ALMS1: variants seen among roughly 807,000 people sequenced by gnomAD.
ALMS1 encodes the protein centrosome-associated protein ALMS1.
A neutral mutation model predicts 352.2 loss-of-function variants in ALMS1; 271 were observed. That is an observed-to-expected ratio of 0.77 (90% CI 0.70 to 0.85). The LOEUF is 0.85. ALMS1 is among the 40% of genes least tolerant of loss of function. The pLI, the probability that ALMS1 is intolerant of heterozygous loss-of-function variation, is 0.00. For missense variants in ALMS1, 5,445 were observed against 4,870.7 expected (o/e 1.12, Z -3.51); for synonymous variants, 1,865 against 1,761.2 (o/e 1.06, Z -1.48).
chr2:73,466,522 T>C (rs1421431140), intron 9 of ALMS1, among the ~76,000 whole-genome samples: 1 of 149,724 alleles, frequency 6.7e-6, no homozygotes, highest in Admixed American at 6.7e-5. Context: ...GGATAGCATT[T>C]GGAGATATAC....
rs1275371259 is a variant in ALMS1 at position 73,424,831 on chromosome 2, A to T, written c.1166A>T (p.Asp389Val). ...GCTACTAAAAGAAGTGACCATTTTGATGCTGCTCGTTCATATGGGCAGTAT... is the reference window on the plus strand; with the variant it reads ...GCTACTAAAAGAAGTGACCATTTTGTTGCTGCTCGTTCATATGGGCAGTAT... ...NIATKRSDHF[D>V]AARSYGQYWT... The change falls in exon 5 of 23, where the codon GAT (aspartate) becomes GTT (valine). Residue 389 changes from aspartate (D) to valine (V), a missense_variant. Asp to Val is a radical substitution (Grantham distance 152). Transcript: ENST00000613296. 6.2e-7 allele frequency: 1 copy of T among 1,608,894 alleles called. No homozygotes were observed. The highest frequency in any genetic ancestry group is 8.5e-7 in the Non-Finnish European group (1 of 1,176,600).
At chr2:73,574,333 T>A (rs1382007231) in intron 16 of ALMS1, among the ~76,000 whole-genome samples, 1 of 152,076 alleles carries the variant, frequency 6.6e-6, no homozygotes, top group Non-Finnish European at 1.5e-5. Flanking sequence ...CTAGACATGC[T>A]CTCCAAAGAA....
At chr2:73,533,987 C>G (rs1055506633) in intron 11 of ALMS1, among the ~76,000 whole-genome samples, 1 of 152,012 alleles carries the variant, frequency 6.6e-6, no homozygotes, top group Non-Finnish European at 1.5e-5. Flanking sequence ...TCACAGAATT[C>G]TTTATAATTG....
At chr2:73,487,774 G>C (rs1272199251) in intron 9 of ALMS1, among the ~76,000 whole-genome samples, 1 of 152,176 alleles carries the variant, frequency 6.6e-6, no homozygotes, top group Non-Finnish European at 1.5e-5. Flanking sequence ...ACCCAAAGTG[G>C]GTAGCTCCTT....
chr2:73,477,937 C>G (rs879567783), intron 9 of ALMS1, among the ~76,000 whole-genome samples: 3 of 152,196 alleles, frequency 2.0e-5, no homozygotes, highest in Non-Finnish European at 4.4e-5. Flanking sequence ...TTCTTTCTTT[C>G]CAATCTAGAT....
intron 9 of ALMS1, chr2:73,469,643 A>G (rs1572952526): frequency 6.6e-6 from 1 of 151,934 alleles, no homozygotes; most frequent in Non-Finnish European, 1.5e-5. Context: ...ACCTAGCTCA[A>G]TATTAGGTAA....
chr2:73,550,659 C>T (rs1317557167), intron 13 of ALMS1, among the ~76,000 whole-genome samples: 1 of 152,028 alleles, frequency 6.6e-6, no homozygotes, highest in Non-Finnish European at 1.5e-5. Context: ...TTCATTTTCA[C>T]AACGGATAAT....
At chr2:73,536,175 G>C (rs953218073) in intron 12 of ALMS1, among the ~76,000 whole-genome samples, 1 of 152,178 alleles carries the variant, frequency 6.6e-6, no homozygotes, top group Admixed American at 6.5e-5. Context: ...TTAATTGATT[G>C]TAGGTAGGAA....
chr2:73,408,484 A>G (rs1281104780), intron 1 of ALMS1, 138 bp from the exon 2 acceptor site: 1 of 991,986 alleles, frequency 1.0e-6, no homozygotes. Context: ...AGCTTGTATA[A>G]TGGTTGTGAA....
chr2:73,545,181 G>GGT (rs1558688911), intron 12 of ALMS1, among the ~76,000 whole-genome samples: 10 of 139,884 alleles, frequency 7.1e-5, no homozygotes, highest in Non-Finnish European at 6.3e-5. Flanking sequence ...ATTTTTTGTG[G>GGT]TTTTTTTTTT....
At chr2:73,573,730 A>C (rs1452145847) in intron 16 of ALMS1, 1 of 550,216 alleles carries the variant, frequency 1.8e-6, no homozygotes, top group Non-Finnish European at 3.2e-6. Context: ...CCTGAACAAT[A>C]TTGCTGGGTT....
intron 7 of ALMS1, among the ~76,000 whole-genome samples, chr2:73,439,201 T>A (rs942847537): frequency 2.0e-5 from 3 of 151,328 alleles, no homozygotes; most frequent in African/African-American, 7.3e-5. Context: ...TCCACAGCCT[T>A]GAATTCCTGG....
chr2:73,530,570 C>A (rs1673887479), intron 11 of ALMS1, among the ~76,000 whole-genome samples: 1 of 152,202 alleles, frequency 6.6e-6, no homozygotes, highest in South Asian at 2.1e-4. Context: ...GTTGGTGGAT[C>A]TACCATTCTG....
intron 2 of ALMS1, among the ~76,000 whole-genome samples, chr2:73,412,625 G>A (rs188263094): frequency 6.6e-6 from 1 of 152,070 alleles, no homozygotes; most frequent in Non-Finnish European, 1.5e-5. Flanking sequence ...TAGAAACCCC[G>A]TCTCTACTAA....
At chr2:73,517,168 GATATTAC>G (rs1673575514) in intron 10 of ALMS1, among the ~76,000 whole-genome samples, 1 of 148,962 alleles carries the variant, frequency 6.7e-6, no homozygotes, top group Admixed American at 6.7e-5. Flanking sequence ...ATATATTCTA[GATATTAC>G]TCTAATACAA....
intron 9 of ALMS1, chr2:73,459,351 T>C (rs1361256558): frequency 1.3e-5 from 2 of 152,214 alleles, no homozygotes; most frequent in Non-Finnish European, 2.9e-5. Flanking sequence ...GTTTTACATA[T>C]TAATTAATAA....
chr2:73,557,146 T>C (rs1674563281), intron 13 of ALMS1, 74 bp from the exon 14 acceptor site: 1 of 1,597,968 alleles, frequency 6.3e-7, no homozygotes, highest in Non-Finnish European at 8.6e-7. Context: ...TGTTTGTAAT[T>C]GTGGGGGAGG....
intron 10 of ALMS1, among the ~76,000 whole-genome samples, chr2:73,507,731 G>A (rs1401017206): frequency 2.0e-5 from 3 of 152,106 alleles, no homozygotes; most frequent in Non-Finnish European, 4.4e-5. Context: ...ACCAGCTCCT[G>A]AATTCGTTGA....
Position 73,602,312 on chromosome 2 carries a change from A to G in ALMS1, c.12242A>G (p.Asn4081Ser). The change falls in exon 20 of 23, where the codon AAC (asparagine) becomes AGC (serine). Residue 4081 changes from asparagine to serine, a missense_variant. Asn to Ser is a conservative substitution (Grantham distance 46, BLOSUM62 1). Coordinates refer to ENST00000613296, the MANE Select transcript of ALMS1 (RefSeq NM_001378454.1). Reference protein sequence around the residue: ...MLQTERDALFNIDRERQGHQN... With the variant: ...MLQTERDALFSIDRERQGHQN... ...CAGACCGAGCGGGATGCACTATTCA[A>G]CATTGACAGGGAACGGCAGGGCCAC... 1.2e-6 allele frequency: 2 copies of G among 1,614,242 alleles called. No individual in the cohort carries two copies. The highest frequency in any genetic ancestry group is 2.2e-5 in the South Asian group (2 of 91,086).
Sources: allele counts gnomAD v4.1 joint callset (sites outside exome capture counted in the v4.1 genomes callset), GRCh38; gene constraint gnomAD v4.1.1; transcripts MANE v1.5; gene names NCBI Gene and HGNC (gene_info 2026-07-23, HGNC 2026-07-21).